RELN: variants seen among roughly 807,000 people sequenced by gnomAD.
The protein encoded by RELN is reelin.
Under a neutral mutation model 427.6 loss-of-function variants are expected in RELN, and 108 were observed. The observed-to-expected ratio is 0.25, with a 90% CI of 0.22 to 0.30. The LOEUF (loss-of-function observed/expected upper bound fraction) is 0.30. RELN is among the 10% of genes least tolerant of loss of function. The pLI, the probability that RELN is intolerant of heterozygous loss-of-function variation, is 1.00. For missense variants in RELN, 3,715 were observed against 4,302.8 expected (o/e 0.86, Z 3.82); for synonymous variants, 1,524 against 1,513.4 (o/e 1.01, Z -0.16).
intron 3 of RELN, among the ~76,000 whole-genome samples, chr7:103,799,631 C>T (rs570351789): frequency 1.3e-5 from 2 of 152,330 alleles, no homozygotes; most frequent in East Asian, 3.9e-4. Context: ...CTCAGAGAGG[C>T]CTTTCCCAAA....
At chr7:103,866,571 G>C (rs756206761) in intron 2 of RELN, among the ~76,000 whole-genome samples, 3 of 151,826 alleles carry the variant, frequency 2.0e-5, no homozygotes, top group Non-Finnish European at 4.4e-5. Context: ...TAACTAAATG[G>C]TTATTTTTAT....
intron 1 of RELN, among the ~76,000 whole-genome samples, chr7:103,960,113 T>TA (rs2116787451): frequency 6.6e-6 from 1 of 152,164 alleles, no homozygotes; most frequent in East Asian, 1.9e-4. Flanking sequence ...AAGAAGAAAT[T>TA]AGATTATGTC....
chr7:103,958,583 ATG>A (rs374852076), intron 1 of RELN, among the ~76,000 whole-genome samples: 2 of 152,002 alleles, frequency 1.3e-5, no homozygotes, highest in East Asian at 1.9e-4. Flanking sequence ...GTGAATATCT[ATG>A]TGTGTGTGTG....
At chr7:103,936,743 G>GACACACACAC (rs57505374) in intron 1 of RELN, among the ~76,000 whole-genome samples, 1 of 139,664 alleles carries the variant, frequency 7.2e-6, no homozygotes, top group Non-Finnish European at 1.6e-5. Flanking sequence ...CAGACAGACA[G>GACACACACAC]ACACACACAC....
At chr7:103,814,776 C>T (rs1792829877) in intron 3 of RELN, among the ~76,000 whole-genome samples, 1 of 152,126 alleles carries the variant, frequency 6.6e-6, no homozygotes, top group South Asian at 2.1e-4. Flanking sequence ...TGACAGAGCT[C>T]ACCCCTCTCT....
chr7:103,929,530 A>C (rs973170554), intron 1 of RELN, among the ~76,000 whole-genome samples: 1 of 152,188 alleles, frequency 6.6e-6, no homozygotes, highest in Non-Finnish European at 1.5e-5. Flanking sequence ...CTGATCATAC[A>C]TAGTTTTATG....
In RELN at chr7:103,741,502, G is replaced by T. The variant is rs147632740; in HGVS notation, c.656+7924C>A. 7.5e-4 allele frequency among the ~76,000 whole-genome samples: 114 copies of T among 152,010 alleles called. No individual in the cohort carries two copies. In the South Asian group the frequency reaches 0.012, roughly 16 times the overall value. On this transcript the variant is annotated intron_variant, in intron 6 of 64. Transcript: ENST00000428762. ...TAATAATAATGTTTTAATCATGTCT[G>T]GGCTTAGAAGGGATAGTCTAATGTA...
chr7:103,951,435 C>T (rs1276145055), intron 1 of RELN, among the ~76,000 whole-genome samples: 1 of 152,146 alleles, frequency 6.6e-6, no homozygotes, highest in Admixed American at 6.5e-5. Flanking sequence ...TTGGATATTG[C>T]ACATACCACC....
At chr7:103,611,528 G>T in intron 21 of RELN, 83 bp downstream of exon 21, 1 of 1,007,146 alleles carries the variant, frequency 9.9e-7, no homozygotes, top group South Asian at 1.5e-5. Context: ...TAAACTTCTA[G>T]AACTGTAATT....
intron 28 of RELN, among the ~76,000 whole-genome samples, chr7:103,577,174 C>A (rs1034220926): frequency 1.3e-5 from 2 of 152,178 alleles, no homozygotes; most frequent in African/African-American, 4.8e-5. Context: ...TTAAGGACAA[C>A]TGTAGATAAA....
At chr7:103,491,856 T>TCTCTCTCTCA (rs57217576) in intron 58 of RELN, 97 bp downstream of exon 58, 55 of 288,622 alleles carry the variant, frequency 1.9e-4, no homozygotes, top group East Asian at 1.1e-3. Context: ...TCTCTCTCTC[T>TCTCTCTCTCA]CACACACACA....
At chr7:103,550,415 G>A (rs1156288620) in intron 41 of RELN, among the ~76,000 whole-genome samples, 1 of 152,104 alleles carries the variant, frequency 6.6e-6, no homozygotes, top group African/African-American at 2.4e-5. Flanking sequence ...AAATTTGGAG[G>A]CAGACTGCTC....
chr7:103,670,840 A>T (rs1250486960), intron 11 of RELN, among the ~76,000 whole-genome samples: 1 of 152,110 alleles, frequency 6.6e-6, no homozygotes, highest in Non-Finnish European at 1.5e-5. Context: ...CATAAAAGTC[A>T]CTAAACGTAA....
chr7:103,788,235 C>T (rs917923442), intron 3 of RELN, among the ~76,000 whole-genome samples: 5 of 152,128 alleles, frequency 3.3e-5, no homozygotes, highest in African/African-American at 1.2e-4. Context: ...CAATATCATA[C>T]TGAATGGGCA....
At chr7:103,642,089 T>C (rs943580844) in intron 16 of RELN, among the ~76,000 whole-genome samples, 1 of 152,164 alleles carries the variant, frequency 6.6e-6, no homozygotes, top group Admixed American at 6.6e-5. Context: ...ATAGAATAGC[T>C]TTCTTCACTA....
At chr7:103,910,208 CTGTT>C (rs1375122196) in intron 2 of RELN, among the ~76,000 whole-genome samples, 3 of 132,184 alleles carry the variant, frequency 2.3e-5, no homozygotes, top group Non-Finnish European at 4.7e-5. Context: ...ATTTGGCTCT[CTGTT>C]TGTCTGTTGT....
rs769032002 is a variant in RELN at position 103,661,449 on chromosome 7, A to C, written c.1368T>G (p.Asp456Glu). 6.2e-7 allele frequency: 1 copy of C among 1,613,678 alleles called. No homozygotes were observed. Among genetic ancestry groups the C allele is most frequent in the South Asian group, 1.1e-5 (1 of 91,080 alleles). ...ESGLSMVFLKDGERKLCTPSM... is the reference protein window; with the variant it reads ...ESGLSMVFLKEGERKLCTPSM... ...ATGGAGTGCATAATTTCCTCTCTCC[A>C]TCTTTGAGGAAGACCATTGATAAGC... The change falls in exon 12 of 65, where the codon GAT becomes GAG. Residue 456 changes from aspartate to glutamate, a missense_variant. Asp to Glu is a conservative substitution (Grantham distance 45, BLOSUM62 2). This residue lies in a region of RELN where 2,208 missense variants were observed against 2,361.7 expected (regional missense o/e 0.93). Transcript: ENST00000428762.
At chr7:103,487,819 G>A (rs552011938) in intron 60 of RELN, among the ~76,000 whole-genome samples, 5 of 152,278 alleles carry the variant, frequency 3.3e-5, no homozygotes, top group African/African-American at 1.2e-4. Flanking sequence ...TTGGATTCCA[G>A]CACCTAAAAC....
At position 103,563,934 on chromosome 7, in the gene RELN, G is replaced by C. The variant is rs1482998997; in HGVS notation, c.5210+1344C>G. Among the ~76,000 whole-genome samples, 1 of 152,150 alleles carries C rather than the reference G, an allele frequency of 6.6e-6. No homozygotes were observed. Among genetic ancestry groups the C allele is most frequent in the South Asian group, 2.1e-4 (1 of 4,830 alleles). Reference sequence around the variant, plus strand: ...ATCATACAGCATAGGTGTGTAATAGGCTAAACCATGAAGGTTTATGTAAGT... The same window carrying C: ...ATCATACAGCATAGGTGTGTAATAGCCTAAACCATGAAGGTTTATGTAAGT... On this transcript the variant is annotated intron_variant, in intron 34 of 64. Transcript: ENST00000428762. This position sits in a 1 kb window ranked among gnomAD's most constrained non-coding sequence, Gnocchi z 4.1.
Sources: gnomAD v4.1 joint callset for allele counts (sites outside exome capture counted in the v4.1 genomes callset) on GRCh38, gnomAD v4.1.1 for gene constraint, gnomAD v4.1.1 regional missense constraint, Gnocchi (gnomAD v3.1) non-coding constraint, MANE v1.5 for transcripts, NCBI Gene and HGNC (gene_info 2026-07-23, HGNC 2026-07-21) for gene names.